INPP5D: variants seen among roughly 807,000 people sequenced by gnomAD.
The protein encoded by INPP5D is phosphatidylinositol 3,4,5-trisphosphate 5-phosphatase 1.
Under a neutral mutation model 122.9 loss-of-function variants are expected in INPP5D, and 33 were observed. The observed-to-expected ratio is 0.27, with a 90% CI of 0.20 to 0.36. The LOEUF (loss-of-function observed/expected upper bound fraction) is 0.36. INPP5D is among the 10% of genes least tolerant of loss of function. INPP5D has a pLI of 1.00. For synonymous variants in INPP5D, 584 were observed against 576.2 expected, an observed-to-expected ratio of 1.01 and a Z score of -0.19; for missense variants, 1,053 against 1,412.7, an observed-to-expected ratio of 0.75 and a Z score of 4.08.
At chr2:233,174,098 C>A (rs1203943989) in intron 17 of INPP5D, among the ~76,000 whole-genome samples, 2 of 152,240 alleles carry the variant, frequency 1.3e-5, no homozygotes, top group Non-Finnish European at 2.9e-5. Flanking sequence ...CTTCTGGTTA[C>A]CTCCTGAAGG....
At chr2:233,184,307 G>C in intron 19 of INPP5D, 101 bp from the exon 20 acceptor site, 3 of 1,479,602 alleles carry the variant, frequency 2.0e-6, no homozygotes, top group Non-Finnish European at 9.1e-7. Context: ...CACCTTCCTG[G>C]GACCCTGAGA....
intron 4 of INPP5D, among the ~76,000 whole-genome samples, 160 bp downstream of exon 4, chr2:233,126,079 C>T (rs1468505030): frequency 6.6e-6 from 1 of 152,182 alleles, no homozygotes; most frequent in African/African-American, 2.4e-5. Context: ...ACCCCAGAGG[C>T]CTTTGCACCA....
rs1299707333 is a variant in INPP5D at position 233,100,668 on chromosome 2, C to A, written c.198+21270C>A. ...TCTACGGAAGCTGGGGTCGTCACAG[C>A]CTGTTTTCTGCCTTGGGGTTTGGTC... On this transcript the variant is annotated intron_variant, in intron 2 of 26. Transcript: ENST00000445964. The surrounding 1 kb of genome is among the most constrained non-coding windows in gnomAD (Gnocchi z 5.3). 1.3e-5 allele frequency among the ~76,000 whole-genome samples: 2 copies of A among 152,216 alleles called. No individual in the cohort carries two copies. The highest frequency in any genetic ancestry group is 2.9e-5 in the Non-Finnish European group (2 of 68,042).
intron 2 of INPP5D, among the ~76,000 whole-genome samples, chr2:233,088,470 A>G (rs1322288644): frequency 6.6e-6 from 1 of 152,180 alleles, no homozygotes; most frequent in Non-Finnish European, 1.5e-5. Flanking sequence ...ACATTTCCAG[A>G]GAAGGCTCTT....
intron 5 of INPP5D, among the ~76,000 whole-genome samples, chr2:233,137,997 T>TAATGAGATTATATTATATTAATAATGC: frequency 7.0e-6 from 1 of 143,362 alleles, no homozygotes; most frequent in African/African-American, 2.6e-5. Context: ...ATTAATAATG[T>TAATGAGATTATATTATATTAATAATGC]AATGAGATTA....
intron 9 of INPP5D, among the ~76,000 whole-genome samples, chr2:233,148,535 G>A (rs945066985): frequency 2.0e-5 from 3 of 152,192 alleles, no homozygotes; most frequent in Non-Finnish European, 4.4e-5. Flanking sequence ...TGGGGCCCAG[G>A]TTAGGGAGGC....
chr2:233,087,015 C>T (rs1479879991), intron 2 of INPP5D, among the ~76,000 whole-genome samples: 1 of 152,092 alleles, frequency 6.6e-6, no homozygotes, highest in Non-Finnish European at 1.5e-5. Flanking sequence ...AGAAAAAGCA[C>T]AAAAATCAAT....
At chr2:233,076,929 A>G (rs902512499) in intron 1 of INPP5D, among the ~76,000 whole-genome samples, 3 of 152,202 alleles carry the variant, frequency 2.0e-5, no homozygotes, top group African/African-American at 4.8e-5. Context: ...AAAGGCCACA[A>G]CTTCATTGGA....
chr2:233,079,429 C>T (rs1691612228), intron 2 of INPP5D, 31 bp downstream of exon 2: 1 of 1,370,446 alleles, frequency 7.3e-7, no homozygotes, highest in Non-Finnish European at 1.0e-6. Flanking sequence ...GAAATCTGAA[C>T]CTGACTTCAG....
rs1692450666 is a variant in INPP5D at position 233,105,787 on chromosome 2, G to A, written c.199-16320G>A. ...GGGGCCACAGGAGGACAGGCTGCCAGCAAGTGGAGGGTGCCAGGGAGAGAG... is the reference window on the plus strand; with the variant it reads ...GGGGCCACAGGAGGACAGGCTGCCAACAAGTGGAGGGTGCCAGGGAGAGAG... On this transcript the variant is annotated intron_variant, in intron 2 of 26. Coordinates refer to ENST00000445964, the MANE Select transcript of INPP5D (RefSeq NM_001017915.3). The surrounding 1 kb of genome is among the most constrained non-coding windows in gnomAD (Gnocchi z 4.0). Among the ~76,000 whole-genome samples the A allele has an allele frequency of 6.6e-6, 1 of 152,162 alleles. No homozygotes were observed. Among genetic ancestry groups the A allele is most frequent in the Non-Finnish European group, 1.5e-5 (1 of 68,020 alleles).
chr2:233,163,769 C>T lies in INPP5D; in HGVS notation c.1303C>T (p.Arg435Trp). ...TCTCTCCAAGGGGCAGGGAAAGACGCGGGACGACTCTGCGGACTACATCCC... is the reference window on the plus strand; with the variant it reads ...TCTCTCCAAGGGGCAGGGAAAGACGTGGGACGACTCTGCGGACTACATCCC... The part of the protein sequence containing the change: ...WFLSKGQGKT[R>W]DDSADYIPHD... The change falls in exon 12 of 27, where the codon CGG becomes TGG. Residue 435 changes from arginine (R) to tryptophan (W), a missense_variant. This residue lies in a region of INPP5D where 105 missense variants were observed against 199.8 expected (regional missense o/e 0.53). Coordinates refer to ENST00000445964, the MANE Select transcript of INPP5D (RefSeq NM_001017915.3). The T allele has an allele frequency of 6.2e-7, 1 of 1,613,974 alleles. No homozygotes were observed. The highest frequency in any genetic ancestry group is 1.1e-5 in the South Asian group (1 of 91,082).
At chr2:233,090,853 A>G (rs1287719712) in intron 2 of INPP5D, among the ~76,000 whole-genome samples, 1 of 151,938 alleles carries the variant, frequency 6.6e-6, no homozygotes. Context: ...GCTACCCAGG[A>G]GGCTGAGGGA....
chr2:233,198,048 G>T, intron 24 of INPP5D, 47 bp from the exon 25 acceptor site: 1 of 1,499,202 alleles, frequency 6.7e-7, no homozygotes, highest in South Asian at 1.3e-5. Flanking sequence ...TGCTGACCCC[G>T]AGAAGGGAAG....
intron 4 of INPP5D, among the ~76,000 whole-genome samples, chr2:233,127,455 A>G (rs1224888356): frequency 1.3e-5 from 2 of 152,200 alleles, no homozygotes; most frequent in Non-Finnish European, 2.9e-5. Flanking sequence ...CTGCCTTTTG[A>G]TTATTTTTCT....
At chr2:233,118,796 C>T in intron 2 of INPP5D, among the ~76,000 whole-genome samples, 1 of 152,266 alleles carries the variant, frequency 6.6e-6, no homozygotes, top group East Asian at 1.9e-4. Context: ...CTCCTCAGCA[C>T]ACTTGTCAGC....
chr2:233,146,324 C>T lies in INPP5D; in HGVS notation c.835-43C>T, dbSNP rs145465825. On this transcript the variant is annotated intron_variant, in intron 7 of 26. Coordinates refer to ENST00000445964, the MANE Select transcript of INPP5D (RefSeq NM_001017915.3). ...TGGAGAATGCCCAGATGCACAGGCTCGGCGTCCCCTTGACCCTCTGTCTCT... is the reference window on the plus strand; with the variant it reads ...TGGAGAATGCCCAGATGCACAGGCTTGGCGTCCCCTTGACCCTCTGTCTCT... 6,310 of 704,258 alleles carry T rather than the reference C, an allele frequency of 9.0e-3. 93 individuals are homozygous for T. Among genetic ancestry groups the T allele is most frequent in the African/African-American group, 0.04 (2,313 of 57,376 alleles). 43.6% of individuals were successfully genotyped at this position (704,258 alleles called of 1,614,324 possible). A position where few individuals can be genotyped will look rare whatever the true frequency, so the allele number is the denominator to read the frequency against.
At chr2:233,092,401 G>C (rs1282447050) in intron 2 of INPP5D, among the ~76,000 whole-genome samples, 1 of 151,916 alleles carries the variant, frequency 6.6e-6, no homozygotes, top group Non-Finnish European at 1.5e-5. Flanking sequence ...ATCCCTCATA[G>C]GCTCTGGGCA....
intron 5 of INPP5D, among the ~76,000 whole-genome samples, chr2:233,138,833 T>A (rs975171228): frequency 2.0e-5 from 3 of 151,962 alleles, no homozygotes; most frequent in Non-Finnish European, 4.4e-5. Flanking sequence ...GCAAGCTCTG[T>A]CTCCCGGGTT....
At chr2:233,123,513 AC>A (rs1693059648) in intron 3 of INPP5D, among the ~76,000 whole-genome samples, 1 of 152,078 alleles carries the variant, frequency 6.6e-6, no homozygotes, top group Non-Finnish European at 1.5e-5. Context: ...GGTGCCCTTT[AC>A]AGCATAGGGA....
Sources: allele counts gnomAD v4.1 joint callset (sites outside exome capture counted in the v4.1 genomes callset), GRCh38; gene constraint gnomAD v4.1.1; regional missense constraint gnomAD v4.1.1; non-coding constraint Gnocchi (gnomAD v3.1); transcripts MANE v1.5; gene names NCBI Gene and HGNC (gene_info 2026-07-23, HGNC 2026-07-21).